VPS53: variants seen among roughly 807,000 people sequenced by gnomAD.
The protein encoded by VPS53 is VPS53 subunit of GARP complex, also known as vacuolar protein sorting-associated protein 53 homolog.
VPS53 carries 70 observed loss-of-function variants against 107.0 expected under a neutral mutation model. The observed-to-expected ratio is 0.65, with a 90% CI of 0.54 to 0.80. VPS53 has a LOEUF of 0.80. Ranked by LOEUF, VPS53 falls within the 30% of genes least tolerant of loss-of-function variation. The probability of loss-of-function intolerance (pLI) is 0.00; values close to 1 mark genes in which losing one functional copy is unlikely to be tolerated. For missense variants in VPS53, 917 were observed against 1,049.4 expected (o/e 0.87, Z 1.74); for synonymous variants, 409 against 393.3 (o/e 1.04, Z -0.47).
rs1000104396 is a variant in VPS53, at chr17:519,035, G to T, written c.*93C>A. 10 of 1,347,050 alleles carry T rather than the reference G, an allele frequency of 7.4e-6. No individual in the cohort carries two copies. Among genetic ancestry groups the T allele is most frequent in the African/African-American group, 6.0e-5 (4 of 67,196 alleles). 83.4% of individuals were successfully genotyped at this position (1,347,050 alleles called of 1,614,324 possible). A position where few individuals can be genotyped will look rare whatever the true frequency, so the allele number is the denominator to read the frequency against. On this transcript the variant is annotated 3_prime_UTR_variant, in exon 22 of 22. Coordinates refer to ENST00000437048, the MANE Select transcript of VPS53 (RefSeq NM_001128159.3). This position sits in a 1 kb window ranked among gnomAD's most constrained non-coding sequence, Gnocchi z 5.0. Reference sequence around the variant, plus strand: ...CCCAGGAAGTTTGAAGACCGACGATGTGAGAGTGCCGGGGAGCACAGGAGA... The same window carrying T: ...CCCAGGAAGTTTGAAGACCGACGATTTGAGAGTGCCGGGGAGCACAGGAGA...
chr17:644,565 C>T (rs1970600858), intron 7 of VPS53, among the ~76,000 whole-genome samples: 1 of 151,430 alleles, frequency 6.6e-6, no homozygotes, highest in Non-Finnish European at 1.5e-5. Context: ...AAGTTGTCTC[C>T]TCTTGTGCTC....
chr17:596,270 G>A (rs932381255), intron 12 of VPS53, among the ~76,000 whole-genome samples: 2 of 152,190 alleles, frequency 1.3e-5, no homozygotes, highest in Non-Finnish European at 2.9e-5. Context: ...CTATGTTGGA[G>A]TAAGTGTGAA....
chr17:628,852 A>G (rs1395799771), intron 8 of VPS53, among the ~76,000 whole-genome samples: 1 of 152,244 alleles, frequency 6.6e-6, no homozygotes, highest in Non-Finnish European at 1.5e-5. Context: ...GAACACTGGA[A>G]AGATACCAGG....
intron 7 of VPS53, among the ~76,000 whole-genome samples, chr17:634,386 T>C (rs1970100142): frequency 6.6e-6 from 1 of 152,226 alleles, no homozygotes; most frequent in Non-Finnish European, 1.5e-5. Context: ...TAAATTATTA[T>C]GTACACCTTA....
Position 551,866 on chromosome 17 carries a change from C to T in VPS53, c.1866+6G>A, listed in dbSNP as rs989701166. On this transcript the variant is annotated splice_donor_region_variant and intron_variant, in intron 17 of 21. Coordinates refer to ENST00000437048, the MANE Select transcript of VPS53 (RefSeq NM_001128159.3). ...GTTTGTAGGATGCCATTTCCCAAGACCTTACCTTGCTCATGGCAGTCAGGG... is the reference window on the plus strand; with the variant it reads ...GTTTGTAGGATGCCATTTCCCAAGATCTTACCTTGCTCATGGCAGTCAGGG... 1.9e-6 allele frequency: 3 copies of T among 1,594,206 alleles called. No homozygotes were observed. The highest frequency in any genetic ancestry group is 2.7e-5 in the African/African-American group (2 of 74,586).
At chr17:583,271 C>A (rs1454438358) in intron 13 of VPS53, among the ~76,000 whole-genome samples, 1 of 150,608 alleles carries the variant, frequency 6.6e-6, no homozygotes, top group East Asian at 2.0e-4. Flanking sequence ...TCCCAGAGAA[C>A]CTCCCTCAGA....
intron 7 of VPS53, among the ~76,000 whole-genome samples, chr17:650,511 A>G (rs1014076487): frequency 4.6e-5 from 7 of 152,096 alleles, no homozygotes; most frequent in African/African-American, 1.4e-4. Context: ...AAACAAAACA[A>G]AACACTAATC....
chr17:598,874 G>GT, intron 12 of VPS53, among the ~76,000 whole-genome samples: 1 of 52,600 alleles, frequency 1.9e-5, no homozygotes, highest in African/African-American at 6.5e-5. Flanking sequence ...GGAGGTGGGG[G>GT]GGTCAGCCCC....
chr17:627,418 C>G (rs1356024924), intron 9 of VPS53, 102 bp from the exon 10 acceptor site: 3 of 1,308,972 alleles, frequency 2.3e-6, no homozygotes, highest in Non-Finnish European at 3.1e-6. Context: ...GGGAACCAAC[C>G]TCTGTATTTC....
At chr17:606,790 T>C (rs1597373928) in intron 11 of VPS53, among the ~76,000 whole-genome samples, 1 of 150,908 alleles carries the variant, frequency 6.6e-6, no homozygotes, top group Non-Finnish European at 1.5e-5. Flanking sequence ...GCACACTCCT[T>C]CTGAGAATCC....
chr17:565,697 C>T (rs77010405), intron 13 of VPS53, among the ~76,000 whole-genome samples: 7,416 of 151,958 alleles, frequency 0.049, 272 homozygotes, highest in Middle Eastern at 0.15. Context: ...CTGGCCTACT[C>T]CCGGTCAGTG....
At chr17:534,917 C>CAA (rs11376185) in intron 18 of VPS53, among the ~76,000 whole-genome samples, 13,005 of 121,760 alleles carry the variant, frequency 0.11, 683 homozygotes, top group Non-Finnish European at 0.13. Flanking sequence ...GACCCTGTAT[C>CAA]AAAAAAAAAA....
At chr17:551,473 C>T (rs754538961) in intron 17 of VPS53, among the ~76,000 whole-genome samples, 23 of 152,060 alleles carry the variant, frequency 1.5e-4, no homozygotes, top group Non-Finnish European at 2.4e-4. Flanking sequence ...GAGGCTGAGG[C>T]AGGAGGACTG....
Position 626,083 on chromosome 17 carries a change from C to T in VPS53, c.974+1091G>A, listed in dbSNP as rs142557089. On this transcript the variant is annotated intron_variant, in intron 10 of 21. Transcript: ENST00000437048. The stretch of plus-strand genomic sequence containing the variant: ...AAATTAGCCGGTGTGGTGGCACACA[C>T]CTGTCATCTCAGCTACTCAGGAGGC... Among the ~76,000 whole-genome samples, 481 of 152,182 alleles carry T rather than the reference C, an allele frequency of 3.2e-3. 3 individuals carry two copies. The highest frequency in any genetic ancestry group is 0.011 in the African/African-American group (463 of 41,496).
At chr17:642,741 C>T (rs1204142077) in intron 7 of VPS53, among the ~76,000 whole-genome samples, 2 of 149,946 alleles carry the variant, frequency 1.3e-5, no homozygotes, top group South Asian at 2.1e-4. Flanking sequence ...ACTTGGAAAG[C>T]GAGGACAACA....
intron 4 of VPS53, among the ~76,000 whole-genome samples, chr17:663,366 TGTGA>T (rs1971552207): frequency 6.6e-6 from 1 of 152,240 alleles, no homozygotes; most frequent in Non-Finnish European, 1.5e-5. Context: ...AGAAAGTTCC[TGTGA>T]GTGCCAGCAG....
chr17:691,705 C>T (rs940845521), intron 4 of VPS53, among the ~76,000 whole-genome samples: 4 of 152,232 alleles, frequency 2.6e-5, no homozygotes, highest in African/African-American at 9.6e-5. Flanking sequence ...ATCATTCCTT[C>T]ACCCAGTATA....
At chr17:656,947 G>A (rs1360201069) in intron 5 of VPS53, 2 of 1,109,092 alleles carry the variant, frequency 1.8e-6, no homozygotes, top group Non-Finnish European at 2.8e-6. Flanking sequence ...TGTTGCCACT[G>A]GTGTCTTTCA....
intron 5 of VPS53, 139 bp downstream of exon 5, chr17:661,670 G>A: frequency 2.7e-6 from 2 of 744,270 alleles, no homozygotes; most frequent in Non-Finnish European, 4.4e-6. Flanking sequence ...CGCATTCATA[G>A]GGGGCTTGCT....
Sources: gnomAD v4.1 joint callset for allele counts (sites outside exome capture counted in the v4.1 genomes callset) on GRCh38, gnomAD v4.1.1 for gene constraint, Gnocchi (gnomAD v3.1) non-coding constraint, MANE v1.5 for transcripts, NCBI Gene and HGNC (gene_info 2026-07-23, HGNC 2026-07-21) for gene names.